The following FRAS1 variants were observed in gnomAD, a reference collection of about 807,000 sequenced individuals.
FRAS1 encodes Fraser extracellular matrix complex subunit 1.
In FRAS1, 290 loss-of-function variants were observed where a neutral mutation model predicts 435.2. The observed-to-expected ratio is 0.67, with a 90% CI of 0.61 to 0.73. The LOEUF (loss-of-function observed/expected upper bound fraction) is 0.73, where lower values mean the gene tolerates loss of function less well. Ranked by LOEUF, FRAS1 falls within the 30% of genes least tolerant of loss-of-function variation. The pLI is 0.00. For synonymous variants in FRAS1, 1,800 were observed against 1,851.0 expected (o/e 0.97, Z 0.71); for missense variants, 4,860 against 5,001.5 (o/e 0.97, Z 0.85).
At chr4:78,125,935 A>T (rs1170189626) in intron 2 of FRAS1, among the ~76,000 whole-genome samples, 1 of 152,186 alleles carries the variant, frequency 6.6e-6, no homozygotes, top group African/African-American at 2.4e-5. Context: ...GGGACGTTTA[A>T]GTCTGGAGAA....
intron 64 of FRAS1, among the ~76,000 whole-genome samples, chr4:78,512,207 T>C (rs1158511172): frequency 6.6e-6 from 1 of 152,222 alleles, no homozygotes; most frequent in African/African-American, 2.4e-5. Context: ...AATTTGTGTA[T>C]GTTATGCGTA....
chr4:78,105,694 C>A (rs1038096347), intron 2 of FRAS1, among the ~76,000 whole-genome samples: 2 of 152,036 alleles, frequency 1.3e-5, no homozygotes, highest in African/African-American at 4.8e-5. Flanking sequence ...AGAAATGTGA[C>A]AATATATAAT....
At chr4:78,523,336 A>G (rs1721444589) in intron 69 of FRAS1, among the ~76,000 whole-genome samples, 1 of 152,164 alleles carries the variant, frequency 6.6e-6, no homozygotes, top group Admixed American at 6.5e-5. Context: ...AAGAAATTTC[A>G]TTTCAATTAC....
intron 20 of FRAS1, among the ~76,000 whole-genome samples, chr4:78,343,730 A>G (rs900448614): frequency 3.3e-5 from 5 of 152,192 alleles, no homozygotes; most frequent in Non-Finnish European, 5.9e-5. Context: ...GCAGCACTGA[A>G]TAACAGGGGG....
chr4:78,513,629 A>G, intron 65 of FRAS1, 77 bp downstream of exon 65: 1 of 1,328,948 alleles, frequency 7.5e-7, no homozygotes, highest in Admixed American at 1.9e-5. Context: ...CCAGAGTGAG[A>G]ACTGCTTTTC....
Position 78,542,822 on chromosome 4 carries a change from G to C in FRAS1, c.*1698G>C, listed in dbSNP as rs1303968996. 6.6e-6 allele frequency: 1 copy of C among 152,280 alleles called. No homozygotes were observed. Among genetic ancestry groups the C allele is most frequent in the Non-Finnish European group, 1.5e-5 (1 of 68,040 alleles). The allele number at this position is 152,280 out of a possible 1,614,324, so 9.4% of individuals were successfully genotyped here. Reference sequence around the variant, plus strand: ...TAGGAAGGGGAAGTGAGAGAGTATGGTGGCAATATCACAAGGGAGGAGAGA... The same window carrying C: ...TAGGAAGGGGAAGTGAGAGAGTATGCTGGCAATATCACAAGGGAGGAGAGA... On this transcript the variant is annotated 3_prime_UTR_variant, in exon 74 of 74. Transcript: ENST00000512123.
chr4:78,126,376 C>T (rs1300849644), intron 2 of FRAS1, among the ~76,000 whole-genome samples: 4 of 152,240 alleles, frequency 2.6e-5, no homozygotes, highest in African/African-American at 9.6e-5. Context: ...CAACACCCCA[C>T]CCTGCATCGG....
intron 63 of FRAS1, among the ~76,000 whole-genome samples, chr4:78,509,690 T>C (rs1218305877): frequency 6.6e-6 from 1 of 152,206 alleles, no homozygotes; most frequent in Non-Finnish European, 1.5e-5. Context: ...ATGAATAGTA[T>C]GTTTTCCCAA....
At chr4:78,275,106 A>G (rs1726927949) in intron 9 of FRAS1, among the ~76,000 whole-genome samples, 1 of 152,116 alleles carries the variant, frequency 6.6e-6, no homozygotes, top group African/African-American at 2.4e-5. Context: ...TCTTGGTTTA[A>G]AGTCTGTTTT....
At chr4:78,107,368 A>T (rs371998793) in intron 2 of FRAS1, among the ~76,000 whole-genome samples, 115 of 28,606 alleles carry the variant, frequency 4.0e-3, no homozygotes, top group South Asian at 6.9e-3. Context: ...GTTACCCTCA[A>T]AGGAAAGCCC....
chr4:78,212,012 C>T (rs1464266253), intron 2 of FRAS1, among the ~76,000 whole-genome samples: 1 of 152,144 alleles, frequency 6.6e-6, no homozygotes, highest in East Asian at 1.9e-4. Flanking sequence ...TGTGTTGTAG[C>T]ATGTATCAGA....
At position 78,540,961 on chromosome 4, in the gene FRAS1, C is replaced by G. The variant is rs748571027; in HGVS notation, c.11876C>G (p.Pro3959Arg). 1.2e-6 allele frequency: 2 copies of G among 1,613,716 alleles called. No homozygotes were observed. The highest frequency in any genetic ancestry group is 2.2e-5 in the South Asian group (2 of 91,052). ...AAGGTAGAAGTGCCCAAGAGGCACCCGGACCGGGTGGAGAAGAACGTGAAT... is the reference window on the plus strand; with the variant it reads ...AAGGTAGAAGTGCCCAAGAGGCACCGGGACCGGGTGGAGAAGAACGTGAAT... ...NTKVEVPKRH[P>R]DRVEKNVNRH... is the part of the protein sequence containing the mutation. The change falls in exon 74 of 74, where the codon CCG becomes CGG. Residue 3959 changes from proline (P) to arginine (R), a missense_variant. Transcript: ENST00000512123.
chr4:78,066,130 A>C (rs4859516), intron 2 of FRAS1, 114 bp downstream of exon 2: 170,953 of 772,162 alleles, frequency 0.22, 20,529 homozygotes, highest in East Asian at 0.32. Flanking sequence ...TTTTTCTTCA[A>C]CGTTTGACAA....
In FRAS1 at chr4:78,282,845, C is replaced by T. The variant is rs191796861; in HGVS notation, c.1133C>T (p.Pro378Leu). 1.9e-6 allele frequency: 3 copies of T among 1,613,336 alleles called. No homozygotes were observed. Among genetic ancestry groups the T allele is most frequent in the Non-Finnish European group, 2.5e-6 (3 of 1,179,724 alleles). The change falls in exon 12 of 74, where the codon CCT becomes CTT. Residue 378 changes from proline (P) to leucine (L), a missense_variant. Pro to Leu is a moderately conservative substitution (Grantham distance 98, BLOSUM62 -3). Transcript: ENST00000512123. ...GAGGGAGAGAAGTGGGAAGATGGCC[C>T]TTGCAAGGTGTGTGAGTGCCGAGGG... is the stretch of plus-strand genomic sequence containing the variant. ...IPEGEKWEDG[P>L]CKVCECRGAQ... is the part of the protein sequence containing the mutation.
intron 59 of FRAS1, among the ~76,000 whole-genome samples, chr4:78,494,139 A>C (rs1005180568): frequency 1.3e-5 from 2 of 151,982 alleles, no homozygotes; most frequent in Non-Finnish European, 1.5e-5. Flanking sequence ...TGTTTTATGT[A>C]TACAGTTTTA....
rs562758239 is a variant in FRAS1 at position 78,206,373 on chromosome 4, G to T, written c.109-31137G>T. Among the ~76,000 whole-genome samples, 3 of 152,234 alleles carry T rather than the reference G, an allele frequency of 2.0e-5. No homozygotes were observed. The South Asian group carries it at 6.2e-4, about 32-fold the overall frequency. Reference sequence around the variant, plus strand: ...CAAGGAGACAGGTTCTCCCCTCGGAGCCTTAAGAAAGAAGCTGCCCAGCTG... The same window carrying T: ...CAAGGAGACAGGTTCTCCCCTCGGATCCTTAAGAAAGAAGCTGCCCAGCTG... On this transcript the variant is annotated intron_variant, in intron 2 of 73. Coordinates refer to ENST00000512123, the MANE Select transcript of FRAS1 (RefSeq NM_025074.7).
chr4:78,090,640 A>T (rs1406623411), intron 2 of FRAS1, among the ~76,000 whole-genome samples: 3 of 152,144 alleles, frequency 2.0e-5, no homozygotes, highest in Non-Finnish European at 4.4e-5. Flanking sequence ...CACTGAAGCT[A>T]TACATCCACG....
intron 2 of FRAS1, among the ~76,000 whole-genome samples, chr4:78,115,623 G>T (rs191787014): frequency 6.6e-6 from 1 of 152,128 alleles, no homozygotes; most frequent in African/African-American, 2.4e-5. Flanking sequence ...GTGTAGAGGT[G>T]TTTATAGTAT....
intron 58 of FRAS1, among the ~76,000 whole-genome samples, chr4:78,487,889 G>C (rs3899004): frequency 0.24 from 36,313 of 152,092 alleles, 5,117 homozygotes; most frequent in East Asian, 0.53. Flanking sequence ...GAAGGGCTGA[G>C]ATGGAAATTC....
Sources: gnomAD v4.1 joint callset for allele counts (sites outside exome capture counted in the v4.1 genomes callset) on GRCh38, gnomAD v4.1.1 for gene constraint, MANE v1.5 for transcripts, NCBI Gene and HGNC (gene_info 2026-07-23, HGNC 2026-07-21) for gene names.